SLC9A7: variants seen among roughly 807,000 people sequenced by gnomAD.
SLC9A7 encodes the protein sodium/hydrogen exchanger 7.
SLC9A7 carries 19 observed loss-of-function variants against 52.6 expected under a neutral mutation model. The ratio of observed to expected loss-of-function variants is 0.36; its 90% CI spans 0.25 to 0.53. The LOEUF (loss-of-function observed/expected upper bound fraction) is 0.53. Ranked by LOEUF, SLC9A7 falls within the 20% of genes least tolerant of loss-of-function variation. The probability of loss-of-function intolerance (pLI) is 0.91; values close to 1 mark genes in which losing one functional copy is unlikely to be tolerated. For synonymous variants in SLC9A7, 226 were observed against 252.1 expected, an observed-to-expected ratio of 0.90 and a Z score of 0.98; for missense variants, 455 against 597.9, an observed-to-expected ratio of 0.76 and a Z score of 2.49.
intron 1 of SLC9A7, among the ~76,000 whole-genome samples, chrX:46,734,852 C>A (rs1945096811): frequency 8.9e-6 from 1 of 112,081 alleles, no homozygotes; most frequent in Non-Finnish European, 1.9e-5. Flanking sequence ...CCAATAAGAT[C>A]CCTGGTATCC....
intron 8 of SLC9A7, among the ~76,000 whole-genome samples, chrX:46,653,355 GC>G (rs765935146): frequency 5.4e-5 from 6 of 111,663 alleles, no homozygotes; most frequent in East Asian, 2.8e-4. Flanking sequence ...TGATTGTGCT[GC>G]TGCACTCCAG....
chrX:46,718,824 C>T (rs1342483188), intron 1 of SLC9A7, among the ~76,000 whole-genome samples: 3 of 111,850 alleles, frequency 2.7e-5, no homozygotes, highest in Non-Finnish European at 3.8e-5. Context: ...TGTGGAGAAA[C>T]AGGAACACTT....
At chrX:46,668,032 C>A (rs1316663030) in intron 5 of SLC9A7, among the ~76,000 whole-genome samples, 2 of 111,724 alleles carry the variant, frequency 1.8e-5, no homozygotes, top group Non-Finnish European at 3.8e-5. Context: ...GAATGCCGCA[C>A]AAAAGGAGTT....
intron 11 of SLC9A7, among the ~76,000 whole-genome samples, chrX:46,644,044 C>T (rs940784623): frequency 8.9e-6 from 1 of 112,197 alleles, no homozygotes; most frequent in African/African-American, 3.2e-5. Flanking sequence ...TAATACAGGT[C>T]TAATAATGAA....
chrX:46,657,511 T>C (rs1166444015), intron 7 of SLC9A7, among the ~76,000 whole-genome samples: 8 of 108,650 alleles, frequency 7.4e-5, no homozygotes, highest in Admixed American at 3.0e-4. Flanking sequence ...AGGCTCAAAA[T>C]AAAAGGATGG....
At chrX:46,628,797 T>C (rs1482527844) in intron 14 of SLC9A7, among the ~76,000 whole-genome samples, 1 of 112,580 alleles carries the variant, frequency 8.9e-6, no homozygotes, top group Admixed American at 9.3e-5. Context: ...CCTGGATCTA[T>C]TTCAGGGGAA....
chrX:46,611,827 A>C (rs1308971579), intron 16 of SLC9A7, among the ~76,000 whole-genome samples: 1 of 111,443 alleles, frequency 9.0e-6, no homozygotes, highest in Non-Finnish European at 1.9e-5. Flanking sequence ...TGCATCCTCC[A>C]ATCTCGGCTG....
At chrX:46,669,085 G>A (rs756541424) in intron 5 of SLC9A7, among the ~76,000 whole-genome samples, 28 of 107,034 alleles carry the variant, frequency 2.6e-4, no homozygotes, top group Non-Finnish European at 4.8e-4. Context: ...GGAGAATGGC[G>A]TGAACATGGG....
At chrX:46,735,477 AAC>A (rs759373994) in intron 1 of SLC9A7, among the ~76,000 whole-genome samples, 108 of 112,179 alleles carry the variant, frequency 9.6e-4, no homozygotes, top group Non-Finnish European at 1.8e-3. Flanking sequence ...ATAAACACAC[AAC>A]ACATTGTTAT....
intron 4 of SLC9A7, among the ~76,000 whole-genome samples, 165 bp from the exon 5 acceptor site, chrX:46,669,884 C>G (rs1401473081): frequency 8.9e-6 from 1 of 112,326 alleles, no homozygotes; most frequent in African/African-American, 3.2e-5. Flanking sequence ...ACTTTGGCAT[C>G]AAGTAATAGT....
rs749115397 is a variant in SLC9A7 at position 46,667,152 on chromosome X, T to C, written c.793+2455A>G. On this transcript the variant is annotated intron_variant, in intron 5 of 16. Coordinates refer to ENST00000616978, the MANE Select transcript of SLC9A7 (RefSeq NM_001257291.2). ...GTGTTGTTTCATTTCATCTTCACAATAGCCTTAGGAGATAGGTGCCATCAT... is the reference window on the plus strand; with the variant it reads ...GTGTTGTTTCATTTCATCTTCACAACAGCCTTAGGAGATAGGTGCCATCAT... Among the ~76,000 whole-genome samples, 469 of 111,576 alleles carry C rather than the reference T, an allele frequency of 4.2e-3. 2 individuals carry two copies. Among genetic ancestry groups the C allele is most frequent in the Non-Finnish European group, 4.3e-3 (226 of 53,077 alleles).
chrX:46,692,420 C>T (rs977672783), intron 1 of SLC9A7, among the ~76,000 whole-genome samples: 2 of 111,367 alleles, frequency 1.8e-5, no homozygotes, highest in Non-Finnish European at 3.8e-5. Context: ...AGGAAAATCC[C>T]TCTGCTTGTG....
At chrX:46,668,158 G>C (rs755659495) in intron 5 of SLC9A7, among the ~76,000 whole-genome samples, 1 of 112,631 alleles carries the variant, frequency 8.9e-6, no homozygotes, top group Non-Finnish European at 1.9e-5. Flanking sequence ...CACTGGGAAA[G>C]AAGAAAATCT....
At chrX:46,620,938 A>G (rs778719751) in intron 15 of SLC9A7, 39 bp downstream of exon 15, 9 of 989,006 alleles carry the variant, frequency 9.1e-6, no homozygotes, top group Non-Finnish European at 1.3e-5. Context: ...TTCATCCCCA[A>G]TGTTTCACCG....
At chrX:46,747,965 GAA>G (rs753168647) in intron 1 of SLC9A7, among the ~76,000 whole-genome samples, 1 of 111,517 alleles carries the variant, frequency 9.0e-6, no homozygotes, top group Non-Finnish European at 1.9e-5. Flanking sequence ...AGCTACTGTG[GAA>G]AACAGTTTGG....
intron 1 of SLC9A7, among the ~76,000 whole-genome samples, chrX:46,741,881 G>T (rs1432635581): frequency 9.1e-6 from 1 of 109,368 alleles, no homozygotes; most frequent in Non-Finnish European, 1.9e-5. Flanking sequence ...GAGAATATTT[G>T]CAAATTACAC....
At position 46,604,243 on chromosome X, in the gene SLC9A7, T is replaced by C. The variant is rs1942705498; in HGVS notation, c.*2709A>G. The C allele has an allele frequency of 8.9e-6, 1 of 111,888 alleles. No homozygotes were observed. The highest frequency in any genetic ancestry group is 9.5e-5 in the Admixed American group (1 of 10,571). 9.2% of individuals were successfully genotyped at this position (111,888 alleles called of 1,213,427 possible). A position where few individuals can be genotyped will look rare whatever the true frequency, so the allele number is the denominator to read the frequency against. ...CTTCCCTTCCAGGGGCTATGAAAGCTCTTTCTCTGGCTGTGGGGTGTAGGT... is the reference window on the plus strand; with the variant it reads ...CTTCCCTTCCAGGGGCTATGAAAGCCCTTTCTCTGGCTGTGGGGTGTAGGT... On this transcript the variant is annotated 3_prime_UTR_variant, in exon 17 of 17. Transcript: ENST00000616978.
intron 1 of SLC9A7, among the ~76,000 whole-genome samples, chrX:46,711,416 G>A (rs756244723): frequency 9.0e-6 from 1 of 111,724 alleles, no homozygotes; most frequent in Admixed American, 9.5e-5. Flanking sequence ...GACTGAGCAC[G>A]ACACACAGAA....
At chrX:46,722,153 T>C (rs749161591) in intron 1 of SLC9A7, among the ~76,000 whole-genome samples, 2 of 111,311 alleles carry the variant, frequency 1.8e-5, no homozygotes, top group Non-Finnish European at 3.8e-5. Flanking sequence ...ACAGCCTTAA[T>C]AGCACGTTGC....
Sources: gnomAD v4.1 joint callset for allele counts (sites outside exome capture counted in the v4.1 genomes callset) on GRCh38, gnomAD v4.1.1 for gene constraint, MANE v1.5 for transcripts, NCBI Gene and HGNC (gene_info 2026-07-23, HGNC 2026-07-21) for gene names.